Variants in ABHD12B observed in about 807,000 individuals in gnomAD.
The protein encoded by ABHD12B is protein ABHD12B.
ABHD12B carries 42 observed loss-of-function variants against 50.4 expected under a neutral mutation model. The ratio of observed to expected loss-of-function variants is 0.83; its 90% CI spans 0.65 to 1.08. ABHD12B has a LOEUF of 1.08. Among genes scored for constraint, ABHD12B ranks in the 50% least tolerant of loss-of-function variants. The probability of loss-of-function intolerance (pLI) is 0.00; values close to 1 mark genes in which losing one functional copy is unlikely to be tolerated. For missense variants in ABHD12B, 479 were observed against 447.7 expected (o/e 1.07, Z -0.63); for synonymous variants, 167 against 160.3 (o/e 1.04, Z -0.32).
At position 50,880,536 on chromosome 14, in the gene ABHD12B, A is replaced by C. The variant is rs1435789199; in HGVS notation, c.420A>C (p.Pro140=). The change falls in exon 4 of 13, where the codon CCA becomes CCC. Residue 140 remains proline, a synonymous_variant. Coordinates refer to ENST00000337334, the MANE Select transcript of ABHD12B (RefSeq NM_001206673.2). ...WYEAALRDGN[P]IIVYLHGSAE... ...AAGCAGCCCTTCGTGATGGGAACCC[A>C]ATTATTGTTTATCTTCATGGCAGTG... is the stretch of plus-strand genomic sequence containing the variant. 1 of 1,606,716 alleles carries C rather than the reference A, an allele frequency of 6.2e-7. No individual in the cohort carries two copies. The highest frequency in any genetic ancestry group is 8.5e-7 in the Non-Finnish European group (1 of 1,176,152).
chr14:50,900,989 G>A (rs565934386), intron 9 of ABHD12B, among the ~76,000 whole-genome samples: 1 of 152,320 alleles, frequency 6.6e-6, no homozygotes, highest in South Asian at 2.1e-4. Flanking sequence ...CAGAATCGGG[G>A]AGCCACTTGG....
At chr14:50,902,863 G>T (rs1340998655) in intron 10 of ABHD12B, among the ~76,000 whole-genome samples, 1 of 152,108 alleles carries the variant, frequency 6.6e-6, no homozygotes, top group Non-Finnish European at 1.5e-5. Flanking sequence ...GCAAACTAGG[G>T]GGTTGACCAG....
chr14:50,896,745 C>A (rs2142765117), intron 9 of ABHD12B, among the ~76,000 whole-genome samples: 1 of 152,252 alleles, frequency 6.6e-6, no homozygotes, highest in African/African-American at 2.4e-5. Context: ...TTCCCAAATC[C>A]TATAAAACGG....
Position 50,885,601 on chromosome 14 carries a change from C to A in ABHD12B, c.487-13C>A, listed in dbSNP as rs934166069. On this transcript the variant is annotated splice_polypyrimidine_tract_variant and intron_variant, in intron 5 of 12. Transcript: ENST00000337334. ...CTTCTAATTAAAGTGATAACAGCTCCTTTGTTACCTAGGTGCTGAGTGATG... is the reference window on the plus strand; with the variant it reads ...CTTCTAATTAAAGTGATAACAGCTCATTTGTTACCTAGGTGCTGAGTGATG... 3.7e-6 allele frequency: 6 copies of A among 1,614,162 alleles called. No individual in the cohort carries two copies. The highest frequency in any genetic ancestry group is 5.1e-6 in the Non-Finnish European group (6 of 1,180,030).
rs1266072784 is a variant in ABHD12B at position 50,885,519 on chromosome 14, C to T, written c.487-95C>T. The T allele has an allele frequency of 9.2e-6, 13 of 1,406,256 alleles. 1 individual carries two copies. The highest frequency in any genetic ancestry group is 7.1e-5 in the South Asian group (6 of 84,126). 87.1% of individuals were successfully genotyped at this position (1,406,256 alleles called of 1,614,324 possible). A position where few individuals can be genotyped will look rare whatever the true frequency, so the allele number is the denominator to read the frequency against. ...AAGTTAAAATTACCTTTGAAAGAGC[C>T]CTCCTTGTGATGTGATATGGATGGA... On this transcript the variant is annotated intron_variant, in intron 5 of 12. Coordinates refer to ENST00000337334, the MANE Select transcript of ABHD12B (RefSeq NM_001206673.2).
intron 10 of ABHD12B, among the ~76,000 whole-genome samples, chr14:50,902,347 G>T (rs950147063): frequency 6.6e-6 from 1 of 152,120 alleles, no homozygotes; most frequent in Non-Finnish European, 1.5e-5. Flanking sequence ...AGCCAGGCGT[G>T]GGGGCACGTG....
chr14:50,873,699 G>A (rs1291391383), intron 1 of ABHD12B, among the ~76,000 whole-genome samples: 1 of 152,138 alleles, frequency 6.6e-6, no homozygotes, highest in Non-Finnish European at 1.5e-5. Flanking sequence ...TGGTGATTCT[G>A]GGAACGTTGA....
Position 50,878,867 on chromosome 14 carries a change from A to C in ABHD12B, c.335+20A>C. 6.2e-7 allele frequency: 1 copy of C among 1,603,684 alleles called. No homozygotes were observed. Among genetic ancestry groups the C allele is most frequent in the Non-Finnish European group, 8.5e-7 (1 of 1,170,826 alleles). On this transcript the variant is annotated intron_variant, in intron 3 of 12. Coordinates refer to ENST00000337334, the MANE Select transcript of ABHD12B (RefSeq NM_001206673.2). Reference sequence around the variant, plus strand: ...GATCTGGTGAGTGCACGGATGGGACACCGGGTTGCTTGATGGGGCAGGTGT... The same window carrying C: ...GATCTGGTGAGTGCACGGATGGGACCCCGGGTTGCTTGATGGGGCAGGTGT...
At chr14:50,903,109 TG>T (rs898200825) in intron 10 of ABHD12B, among the ~76,000 whole-genome samples, 4 of 142,396 alleles carry the variant, frequency 2.8e-5, no homozygotes, top group African/African-American at 1.0e-4. Flanking sequence ...CAGTGTTTTT[TG>T]TTTTTTTTTT....
intron 1 of ABHD12B, among the ~76,000 whole-genome samples, chr14:50,874,845 C>A (rs2049838990): frequency 6.6e-6 from 1 of 152,324 alleles, no homozygotes; most frequent in Non-Finnish European, 1.5e-5. Flanking sequence ...ATAAAACAGA[C>A]AAAATCCTTG....
rs183341331 is a variant in ABHD12B, at chr14:50,900,237, C to G, written c.781-1592C>G. Among the ~76,000 whole-genome samples, 17 of 152,130 alleles carry G rather than the reference C, an allele frequency of 1.1e-4. No homozygotes were observed. In the East Asian group the frequency reaches 2.9e-3, roughly 26 times the overall value. ...TAGGCAACAGACTGAGACCCTGTCT[C>G]AAAATAAACAAACAAATAAATAAAA... On this transcript the variant is annotated intron_variant, in intron 9 of 12. Coordinates refer to ENST00000337334, the MANE Select transcript of ABHD12B (RefSeq NM_001206673.2).
chr14:50,896,120 C>G (rs867985214), intron 9 of ABHD12B, among the ~76,000 whole-genome samples: 1 of 152,070 alleles, frequency 6.6e-6, no homozygotes, highest in Non-Finnish European at 1.5e-5. Flanking sequence ...CACCCCTTAC[C>G]ATCTCATTAA....
chr14:50,892,124 A>G (rs1465072627), intron 9 of ABHD12B: 1 of 152,076 alleles, frequency 6.6e-6, no homozygotes, highest in Non-Finnish European at 1.5e-5. Flanking sequence ...AATTTGGGGG[A>G]CTTGGTATCT....
chr14:50,890,100 T>C (rs1431754653), intron 9 of ABHD12B, among the ~76,000 whole-genome samples: 5 of 152,178 alleles, frequency 3.3e-5, no homozygotes, highest in African/African-American at 9.7e-5. Flanking sequence ...TAATAAATAT[T>C]TTCAATTGGT....
At chr14:50,900,093 G>A (rs1163612140) in intron 9 of ABHD12B, among the ~76,000 whole-genome samples, 2 of 151,942 alleles carry the variant, frequency 1.3e-5, no homozygotes, top group African/African-American at 2.4e-5. Flanking sequence ...TTAGTTGGGT[G>A]TGGTGGCACA....
chr14:50,882,841 C>A (rs2049976629), intron 5 of ABHD12B, among the ~76,000 whole-genome samples: 1 of 152,136 alleles, frequency 6.6e-6, no homozygotes, highest in African/African-American at 2.4e-5. Context: ...TGTGGTGGTA[C>A]TTGCCTGCAA....
chr14:50,872,141 G>A lies in ABHD12B; in HGVS notation c.-34G>A, dbSNP rs566534033. ...GCGGCTGCTCCGGACTGCAGCTCCC[G>A]CGGCGGTGGCGGCGTATCGGGACAC... On this transcript the variant is annotated 5_prime_UTR_variant, in exon 1 of 13. Coordinates refer to ENST00000337334, the MANE Select transcript of ABHD12B (RefSeq NM_001206673.2). The A allele has an allele frequency of 7.9e-7, 1 of 1,262,948 alleles. No individual in the cohort carries two copies. The highest frequency in any genetic ancestry group is 1.0e-6 in the Non-Finnish European group (1 of 1,002,620). 78.2% of individuals were successfully genotyped at this position (1,262,948 alleles called of 1,614,324 possible).
chr14:50,890,351 A>G (rs2050100987), intron 9 of ABHD12B, among the ~76,000 whole-genome samples: 1 of 152,212 alleles, frequency 6.6e-6, no homozygotes, highest in Non-Finnish European at 1.5e-5. Context: ...ACCTACGTCA[A>G]GAAATGAGCA....
intron 9 of ABHD12B, chr14:50,892,467 G>A (rs2050133066): frequency 1.0e-6 from 1 of 985,282 alleles, no homozygotes; most frequent in Admixed American, 6.1e-5. Context: ...CTCCGCTAAG[G>A]TAGGCAGTGG....
Sources: allele counts gnomAD v4.1 joint callset (sites outside exome capture counted in the v4.1 genomes callset), GRCh38; gene constraint gnomAD v4.1.1; transcripts MANE v1.5; gene names NCBI Gene and HGNC (gene_info 2026-07-23, HGNC 2026-07-21).